Variants in DHRSX observed in about 807,000 individuals in gnomAD.
DHRSX encodes polyprenol dehydrogenase.
DHRSX carries 31 observed loss-of-function variants against 34.0 expected under a neutral mutation model. The observed-to-expected ratio is 0.91, with a 90% CI of 0.69 to 1.23. The LOEUF (loss-of-function observed/expected upper bound fraction) is 1.23, where lower values mean the gene tolerates loss of function less well. Among genes scored for constraint, DHRSX ranks in the 50% most tolerant of loss-of-function variants. The pLI, the probability that DHRSX is intolerant of heterozygous loss-of-function variation, is 0.00. For synonymous variants in DHRSX, 201 were observed against 183.8 expected, an observed-to-expected ratio of 1.09 and a Z score of -0.76; for missense variants, 414 against 428.1, an observed-to-expected ratio of 0.97 and a Z score of 0.29.
intron 3 of DHRSX, among the ~76,000 whole-genome samples, chrX:2,351,640 A>G (rs1164145404): frequency 1.3e-5 from 2 of 152,186 alleles, no homozygotes; most frequent in East Asian, 1.9e-4. Flanking sequence ...GACTTCCTGC[A>G]TGGCTGAAGA....
At chrX:2,265,462 T>C (rs2041440855) in intron 5 of DHRSX, among the ~76,000 whole-genome samples, 1 of 122,086 alleles carries the variant, frequency 8.2e-6, no homozygotes. Context: ...GGGAGCACTG[T>C]CCCCAGAGCA....
chrX:2,493,303 G>A (rs1376876105), intron 1 of DHRSX, among the ~76,000 whole-genome samples: 1 of 152,124 alleles, frequency 6.6e-6, no homozygotes, highest in Non-Finnish European at 1.5e-5. Flanking sequence ...GGACACAGCT[G>A]TATCAGATCC....
In DHRSX at chrX:2,225,313, CACAT is replaced by C. The variant is rs756952782; in HGVS notation, c.805-4088_805-4085del. ...TCACATGTACACACATTCACATGCA[CACAT>C]ACACATGCACGCACCCTCATTCACA... On this transcript the variant is annotated intron_variant, in intron 6 of 6. Coordinates refer to ENST00000334651, the MANE Select transcript of DHRSX (RefSeq NM_145177.3). 5.4e-3 allele frequency among the ~76,000 whole-genome samples: 798 copies of C among 147,582 alleles called. 4 individuals are homozygous for C. Among genetic ancestry groups the C allele is most frequent in the African/African-American group, 0.02 (773 of 37,756 alleles).
Position 2,425,272 on chromosome X carries a change from C to G in DHRSX, c.142G>C (p.Val48Leu). 6.2e-7 allele frequency: 1 copy of G among 1,613,792 alleles called. No homozygotes were observed. Among genetic ancestry groups the G allele is most frequent in the East Asian group, 2.2e-5 (1 of 44,898 alleles). Residue 48 changes from valine to leucine, a missense_variant, in exon 2 of 7, where the codon GTG becomes CTG. Coordinates refer to ENST00000334651, the MANE Select transcript of DHRSX (RefSeq NM_145177.3). ...FPPRPDRVAIVTGGTDGIGYS... is the reference protein window; with the variant it reads ...FPPRPDRVAILTGGTDGIGYS... ...CCAATGCCATCTGTCCCTCCCGTCACTATAGCGACACGGTCAGGTCGTGGG... is the reference window on the plus strand; with the variant it reads ...CCAATGCCATCTGTCCCTCCCGTCAGTATAGCGACACGGTCAGGTCGTGGG...
chrX:2,384,932 A>T (rs866442166), intron 3 of DHRSX, among the ~76,000 whole-genome samples: 8,345 of 146,208 alleles, frequency 0.057, 530 homozygotes, highest in African/African-American at 0.16. Context: ...AATAAATTTA[A>T]AAAAAAAAAG....
intron 1 of DHRSX, among the ~76,000 whole-genome samples, chrX:2,467,054 A>G (rs961827910): frequency 1.4e-5 from 2 of 146,990 alleles, no homozygotes; most frequent in African/African-American, 2.6e-5. Context: ...GACAAGAGCA[A>G]AAGTCCATCT....
At chrX:2,465,333 C>T (rs1190317859) in intron 1 of DHRSX, among the ~76,000 whole-genome samples, 2 of 152,162 alleles carry the variant, frequency 1.3e-5, no homozygotes, top group African/African-American at 4.8e-5. Flanking sequence ...ATTACCAAGA[C>T]ATAACAGGAT....
At chrX:2,291,986 C>T (rs111922623) in intron 3 of DHRSX, among the ~76,000 whole-genome samples, 4,162 of 151,076 alleles carry the variant, frequency 0.028, 199 homozygotes, top group African/African-American at 0.095. Flanking sequence ...GTGATCCGCC[C>T]GCCTCAGCCT....
At chrX:2,485,844 G>GGGAGAGAAGGAAGGAAC (rs2044905452) in intron 1 of DHRSX, among the ~76,000 whole-genome samples, 1 of 110,052 alleles carries the variant, frequency 9.1e-6, no homozygotes, top group Non-Finnish European at 1.9e-5. Context: ...AAGGAAGGAA[G>GGGAGAGAAGGAAGGAAC]GGAGAGAAAG....
intron 6 of DHRSX, among the ~76,000 whole-genome samples, chrX:2,231,958 TC>T (rs1326889411): frequency 1.4e-4 from 7 of 49,126 alleles, no homozygotes; most frequent in African/African-American, 2.1e-4. Flanking sequence ...CCTTCTCTTT[TC>T]TTTCTGCCCT....
At chrX:2,488,461 C>T (rs373435372) in intron 1 of DHRSX, 28 of 865,698 alleles carry the variant, frequency 3.2e-5, no homozygotes, top group African/African-American at 2.8e-4. Flanking sequence ...AGACAGGAGC[C>T]ACCGCCCCCG....
intron 3 of DHRSX, among the ~76,000 whole-genome samples, chrX:2,328,219 T>C (rs2042412736): frequency 6.6e-6 from 1 of 150,496 alleles, no homozygotes; most frequent in Non-Finnish European, 1.5e-5. Flanking sequence ...GATCTTGGAC[T>C]TACAGCCTCC....
chrX:2,219,526 AACAAT>A lies in DHRSX; in HGVS notation c.*1510_*1514del, dbSNP rs1321696227. 3.3e-5 allele frequency: 5 copies of A among 152,124 alleles called. No individual in the cohort carries two copies. Among genetic ancestry groups the A allele is most frequent in the African/African-American group, 1.2e-4 (5 of 41,436 alleles). The allele number at this position is 152,124 out of a possible 1,614,324, so 9.4% of individuals were successfully genotyped here. A position where few individuals can be genotyped will look rare whatever the true frequency, so the allele number is the denominator to read the frequency against. On this transcript the variant is annotated 3_prime_UTR_variant, in exon 7 of 7. Coordinates refer to ENST00000334651, the MANE Select transcript of DHRSX (RefSeq NM_145177.3). The stretch of plus-strand genomic sequence containing the variant: ...AATGATTTTTTTTTTAAAGAGGCCA[AACAAT>A]ACATTTATTATTTTCATTTAAGTTG...
intron 3 of DHRSX, among the ~76,000 whole-genome samples, chrX:2,404,808 C>T (rs2043531399): frequency 6.6e-6 from 1 of 152,076 alleles, no homozygotes; most frequent in Admixed American, 6.6e-5. Flanking sequence ...AATGTTAATC[C>T]GACGGGGTCG....
At chrX:2,317,212 C>T (rs2042250626) in intron 3 of DHRSX, among the ~76,000 whole-genome samples, 1 of 150,002 alleles carries the variant, frequency 6.7e-6, no homozygotes, top group Admixed American at 6.6e-5. Flanking sequence ...CCCGCCTCGG[C>T]TTCCCAAAGT....
intron 3 of DHRSX, among the ~76,000 whole-genome samples, chrX:2,301,749 C>G (rs1326337320): frequency 6.6e-6 from 1 of 152,140 alleles, no homozygotes; most frequent in African/African-American, 2.4e-5. Context: ...ACCAATTCTC[C>G]TGCCTCAGCC....
intron 2 of DHRSX, among the ~76,000 whole-genome samples, chrX:2,411,959 T>C (rs1230183583): frequency 2.6e-5 from 4 of 152,198 alleles, no homozygotes; most frequent in African/African-American, 4.8e-5. Flanking sequence ...AGCACCACAC[T>C]GGAGGAATGG....
chrX:2,433,021 G>A (rs1191460064), intron 1 of DHRSX, among the ~76,000 whole-genome samples: 1 of 152,072 alleles, frequency 6.6e-6, no homozygotes, highest in Non-Finnish European at 1.5e-5. Flanking sequence ...CAAGCTGGGA[G>A]GCTGAGATGG....
intron 3 of DHRSX, among the ~76,000 whole-genome samples, chrX:2,301,232 G>GCA (rs1322856164): frequency 1.3e-5 from 2 of 152,194 alleles, no homozygotes; most frequent in African/African-American, 2.4e-5. Flanking sequence ...GGCCAACATG[G>GCA]CAAAACCCTG....
Sources: gnomAD v4.1 joint callset for allele counts (sites outside exome capture counted in the v4.1 genomes callset) on GRCh38, gnomAD v4.1.1 for gene constraint, MANE v1.5 for transcripts, NCBI Gene and HGNC (gene_info 2026-07-23, HGNC 2026-07-21) for gene names.